Variants in MIPOL1 observed in about 807,000 individuals in gnomAD.
The protein encoded by MIPOL1 is mirror-image polydactyly 1, also known as mirror-image polydactyly gene 1 protein.
In MIPOL1, 57 loss-of-function variants were observed where a neutral mutation model predicts 60.9. The observed-to-expected ratio is 0.94, with a 90% confidence interval of 0.76 to 1.17. MIPOL1 has a LOEUF of 1.17. Ranked by LOEUF, MIPOL1 falls within the 50% of genes most tolerant of loss-of-function variation. The pLI is 0.00. For missense variants in MIPOL1, 551 were observed against 511.6 expected, an observed-to-expected ratio of 1.08 and a Z score of -0.74; for synonymous variants, 179 against 168.8, an observed-to-expected ratio of 1.06 and a Z score of -0.47.
chr14:37,447,001 C>A (rs1004035577), intron 11 of MIPOL1, among the ~76,000 whole-genome samples: 1 of 151,714 alleles, frequency 6.6e-6, no homozygotes, highest in East Asian at 1.9e-4. Context: ...GTGCAGCACA[C>A]CAGCATGGCA....
chr14:37,374,578 G>T lies in MIPOL1; in HGVS notation c.936+4954G>T, dbSNP rs564684112. The stretch of plus-strand genomic sequence containing the variant: ...ATTTTTGTATAAGATGTAAGGAAGG[G>T]GTCCAGTTTCAGTTTTCTGCATATG... On this transcript the variant is annotated intron_variant, in intron 10 of 12. Transcript: ENST00000684589. Among the ~76,000 whole-genome samples the T allele has an allele frequency of 3.9e-5, 6 of 152,060 alleles. No individual in the cohort carries two copies. In the South Asian group the frequency reaches 1.0e-3, roughly 26 times the overall value.
chr14:37,475,116 C>A (rs187907336), intron 11 of MIPOL1, among the ~76,000 whole-genome samples: 147 of 152,142 alleles, frequency 9.7e-4, no homozygotes, highest in Non-Finnish European at 1.8e-3. Flanking sequence ...AGGCATGCAC[C>A]ATCAGGCCTG....
chr14:37,336,111 T>G (rs2090093276), intron 9 of MIPOL1, among the ~76,000 whole-genome samples: 1 of 150,674 alleles, frequency 6.6e-6, no homozygotes, highest in Admixed American at 6.6e-5. Flanking sequence ...CATGGTTTTT[T>G]TTTTTTTTTT....
In MIPOL1 at chr14:37,385,163, T is replaced by G. The variant is rs369300482; in HGVS notation, c.936+15539T>G. On this transcript the variant is annotated intron_variant, in intron 10 of 12. Transcript: ENST00000684589. ...TTGCTTTAAGAACTAAAGAAACTGC[T>G]GTAAAATATGGTGGAAGAGGGAGGG... Among the ~76,000 whole-genome samples, 3 of 152,196 alleles carry G rather than the reference T, an allele frequency of 2.0e-5. No individual in the cohort carries two copies. In the East Asian group the frequency reaches 5.8e-4, roughly 29 times the overall value.
intron 1 of MIPOL1, among the ~76,000 whole-genome samples, chr14:37,240,956 C>T (rs959563580): frequency 1.9e-4 from 29 of 152,068 alleles, no homozygotes; most frequent in African/African-American, 6.8e-4. Flanking sequence ...CACACACACA[C>T]ACACACACAC....
chr14:37,302,418 G>A (rs1159646637), intron 7 of MIPOL1, among the ~76,000 whole-genome samples: 1 of 151,352 alleles, frequency 6.6e-6, no homozygotes, highest in African/African-American at 2.4e-5. Context: ...CTTTGGTAAA[G>A]TGTTCAGGTA....
intron 10 of MIPOL1, among the ~76,000 whole-genome samples, chr14:37,411,425 C>T (rs1407153342): frequency 1.3e-5 from 2 of 152,072 alleles, no homozygotes; most frequent in Admixed American, 1.3e-4. Context: ...TATGTTCATT[C>T]TAGACAGGAC....
chr14:37,401,971 T>C (rs2093491169), intron 10 of MIPOL1: 1 of 152,126 alleles, frequency 6.6e-6, no homozygotes, highest in African/African-American at 2.4e-5. Context: ...AAAAATCTTA[T>C]TTTTGCTTTA....
chr14:37,496,065 C>A (rs1167626829), intron 11 of MIPOL1, among the ~76,000 whole-genome samples: 5 of 151,884 alleles, frequency 3.3e-5, no homozygotes, highest in Admixed American at 6.6e-5. Context: ...AAATTTTATC[C>A]CATTTTGTAG....
chr14:37,297,523 T>C (rs1310360234), intron 7 of MIPOL1, among the ~76,000 whole-genome samples: 1 of 152,176 alleles, frequency 6.6e-6, no homozygotes, highest in African/African-American at 2.4e-5. Flanking sequence ...TTGTCCCTGT[T>C]TGCAGATGAC....
intron 7 of MIPOL1, among the ~76,000 whole-genome samples, chr14:37,296,970 T>C (rs977264995): frequency 6.6e-6 from 1 of 152,088 alleles, no homozygotes; most frequent in Admixed American, 6.6e-5. Context: ...CCAGCATCAT[T>C]CTGATACCAA....
chr14:37,262,857 A>AC (rs951329262), intron 3 of MIPOL1, among the ~76,000 whole-genome samples: 14 of 151,572 alleles, frequency 9.2e-5, no homozygotes, highest in Non-Finnish European at 1.6e-4. Context: ...AACAGTATTG[A>AC]CCCCCCCAGG....
chr14:37,252,414 A>T (rs1323269882), intron 3 of MIPOL1, among the ~76,000 whole-genome samples: 1 of 151,948 alleles, frequency 6.6e-6, no homozygotes, highest in Non-Finnish European at 1.5e-5. Context: ...TATCCTACTG[A>T]ATTTAAGTAA....
chr14:37,336,754 A>T (rs1286187306), intron 9 of MIPOL1, among the ~76,000 whole-genome samples: 1 of 151,244 alleles, frequency 6.6e-6, no homozygotes, highest in South Asian at 2.1e-4. Flanking sequence ...TTATCTTTTT[A>T]AAAATTTTTT....
At chr14:37,533,225 A>G (rs558897494) in intron 12 of MIPOL1, among the ~76,000 whole-genome samples, 2 of 152,290 alleles carry the variant, frequency 1.3e-5, no homozygotes, top group South Asian at 2.1e-4. Context: ...TAAGCCCAAT[A>G]ACATGCAGTT....
chr14:37,427,520 T>C (rs1746239576), intron 11 of MIPOL1, among the ~76,000 whole-genome samples: 1 of 152,206 alleles, frequency 6.6e-6, no homozygotes, highest in African/African-American at 2.4e-5. Context: ...ATTGTCAGTA[T>C]ACTTACTGCC....
At chr14:37,266,122 A>G (rs1475378312) in intron 3 of MIPOL1, among the ~76,000 whole-genome samples, 1 of 152,158 alleles carries the variant, frequency 6.6e-6, no homozygotes, top group Admixed American at 6.5e-5. Flanking sequence ...GGAAGCTCTT[A>G]TTGGGAAGCT....
At chr14:37,282,568 T>C (rs758425783) in intron 6 of MIPOL1, among the ~76,000 whole-genome samples, 6 of 151,096 alleles carry the variant, frequency 4.0e-5, no homozygotes, top group Non-Finnish European at 8.9e-5. Flanking sequence ...AGTGAGACCT[T>C]GTCTCTACAA....
At chr14:37,388,486 G>GTTTTTTTTTTT (rs77450180) in intron 10 of MIPOL1, among the ~76,000 whole-genome samples, 2 of 124,548 alleles carry the variant, frequency 1.6e-5, no homozygotes, top group African/African-American at 2.9e-5. Context: ...TTTTTTTTGT[G>GTTTTTTTTTTT]TTTTTTTTTT....
Sources: gnomAD v4.1 joint callset for allele counts (sites outside exome capture counted in the v4.1 genomes callset) on GRCh38, gnomAD v4.1.1 for gene constraint, MANE v1.5 for transcripts, NCBI Gene and HGNC (gene_info 2026-07-23, HGNC 2026-07-21) for gene names.